MASP1: variants seen among roughly 807,000 people sequenced by gnomAD.
MASP1 encodes the protein MBL associated serine protease 1, also known as mannan-binding lectin serine protease 1.
A neutral mutation model predicts 77.1 loss-of-function variants in MASP1; 59 were observed. That is an observed-to-expected ratio of 0.77 (90% confidence interval 0.62 to 0.95). The LOEUF (loss-of-function observed/expected upper bound fraction) is 0.95, where lower values mean the gene tolerates loss of function less well. Among genes scored for constraint, MASP1 ranks in the 40% least tolerant of loss-of-function variants. The pLI is 0.00. For synonymous variants in MASP1, 362 were observed against 354.5 expected, an observed-to-expected ratio of 1.02 and a Z score of -0.24; for missense variants, 885 against 912.9, an observed-to-expected ratio of 0.97 and a Z score of 0.39.
intron 2 of MASP1, among the ~76,000 whole-genome samples, chr3:187,279,010 G>A (rs1040186928): frequency 6.8e-6 from 1 of 147,770 alleles, no homozygotes; most frequent in Non-Finnish European, 1.5e-5. Flanking sequence ...GCTTCTAATT[G>A]GACGTCCTAG....
intron 1 of MASP1, 26 bp downstream of exon 1, chr3:187,291,602 G>T (rs191089162): frequency 3.1e-6 from 5 of 1,614,156 alleles, no homozygotes; most frequent in Admixed American, 3.3e-5. Context: ...AAAGGGAACC[G>T]TGCCCTCTCC....
intron 2 of MASP1, among the ~76,000 whole-genome samples, chr3:187,270,486 A>T (rs997117707): frequency 6.6e-6 from 1 of 152,050 alleles, no homozygotes; most frequent in Non-Finnish European, 1.5e-5. Context: ...GATGTTTCCC[A>T]TTAGTAATTT....
chr3:187,291,542 T>C (rs1718334199), intron 1 of MASP1, 86 bp downstream of exon 1: 1 of 1,542,418 alleles, frequency 6.5e-7, no homozygotes, highest in Non-Finnish European at 9.0e-7. Context: ...CGCAGGTGAG[T>C]CTGTCAGTGA....
intron 2 of MASP1, among the ~76,000 whole-genome samples, chr3:187,285,216 C>T (rs1275347824): frequency 6.6e-6 from 1 of 151,864 alleles, no homozygotes; most frequent in African/African-American, 2.4e-5. Flanking sequence ...TGTGGTCCTG[C>T]TCTTCCCCCA....
chr3:187,234,039 T>C (rs114401186), downstream of MASP1: 2,117 of 1,183,488 alleles, frequency 1.8e-3, 9 homozygotes, highest in Middle Eastern at 7.6e-3. Flanking sequence ...TTAAAACAAA[T>C]GAACACACTT....
downstream of MASP1, among the ~76,000 whole-genome samples, chr3:187,232,635 TAGG>T (rs978060424): frequency 1.3e-5 from 2 of 152,202 alleles, no homozygotes; most frequent in African/African-American, 4.8e-5. Flanking sequence ...GGTAAATCCC[TAGG>T]AGAAGGAGAG....
chr3:187,262,632 G>C lies in MASP1; in HGVS notation c.326C>G (p.Ser109Cys). ...AGTGATGGACATGAAGGAGCCAGGG[G>C]AGAGGACCACCTCCTGGCCGGGAGT... ...EQTPGQEVVL[S>C]PGSFMSITFR... Residue 109 changes from serine (S) to cysteine (C), a missense_variant, in exon 3 of 11, where the codon TCC (serine) becomes TGC (cysteine). Physicochemically the swap from Ser to Cys is moderately radical, Grantham distance 112. Coordinates refer to ENST00000296280, the MANE Select transcript of MASP1 (RefSeq NM_139125.4). 6.2e-7 allele frequency: 1 copy of C among 1,614,160 alleles called. No individual in the cohort carries two copies. The highest frequency in any genetic ancestry group is 8.5e-7 in the Non-Finnish European group (1 of 1,180,016).
At chr3:187,289,177 C>T (rs987601721) in intron 1 of MASP1, among the ~76,000 whole-genome samples, 2 of 140,646 alleles carry the variant, frequency 1.4e-5, no homozygotes, top group Non-Finnish European at 3.0e-5. Context: ...TTCAGAGGCC[C>T]CCCGTAGGAA....
At chr3:187,261,396 C>G (rs979399874) in intron 3 of MASP1, among the ~76,000 whole-genome samples, 1 of 152,194 alleles carries the variant, frequency 6.6e-6, no homozygotes, top group Non-Finnish European at 1.5e-5. Context: ...TAATGTGGGT[C>G]AAGCCCTGTC....
At chr3:187,219,947 G>T in exon 16 of MASP1, 2 of 970,010 alleles carry the variant, frequency 2.1e-6, no homozygotes, top group Non-Finnish European at 3.2e-6. Context: ...CTATTGCCCA[G>T]TAATGGATAG....
rs537596324 is a variant in MASP1 at position 187,265,703 on chromosome 3, G to A, written c.238-2983C>T. ...GAAGTGACTTGCTCAAGGCTGGAGAGATAACATGAACATTTTCTGATATCA... is the reference window on the plus strand; with the variant it reads ...GAAGTGACTTGCTCAAGGCTGGAGAAATAACATGAACATTTTCTGATATCA... On this transcript the variant is annotated intron_variant, in intron 2 of 10. Coordinates refer to ENST00000296280, the MANE Select transcript of MASP1 (RefSeq NM_139125.4). Among the ~76,000 whole-genome samples, 28 of 152,316 alleles carry A rather than the reference G, an allele frequency of 1.8e-4. No homozygotes were observed. In the South Asian group the frequency reaches 5.6e-3, roughly 30 times the overall value.
chr3:187,236,485 C>T lies in MASP1; in HGVS notation c.1386G>A (p.Pro462=), dbSNP rs35384947. 3,843 of 1,614,034 alleles carry T rather than the reference C, an allele frequency of 2.4e-3. 87 individuals are homozygous for T. In the African/African-American group the frequency reaches 0.045, roughly 19 times the overall value. The change falls in exon 11 of 11, where the codon CCG becomes CCA. Residue 462 remains proline (P), a synonymous_variant. Coordinates refer to ENST00000296280, the MANE Select transcript of MASP1 (RefSeq NM_139125.4). ...CCTCCACCACTATCAGGGCCTGCCA[C>T]GGGAAGAGGCCAGGCTCAGCATTTC... The part of the protein sequence containing the change: ...GGRNAEPGLF[P]WQALIVVEDT...
At chr3:187,287,601 TATAA>T (rs1717967467) in intron 1 of MASP1, among the ~76,000 whole-genome samples, 1 of 152,190 alleles carries the variant, frequency 6.6e-6, no homozygotes, top group Non-Finnish European at 1.5e-5. Context: ...AAATGGAGAT[TATAA>T]TATCTAATTC....
intron 10 of MASP1, among the ~76,000 whole-genome samples, chr3:187,239,530 G>A (rs1713457661): frequency 6.6e-6 from 1 of 152,178 alleles, no homozygotes; most frequent in African/African-American, 2.4e-5. Flanking sequence ...CCTTCCAGAG[G>A]TGGCCACATG....
Position 187,260,726 on chromosome 3 carries a change from A to T in MASP1, c.547+15T>A, listed in dbSNP as rs748858426. On this transcript the variant is annotated intron_variant, in intron 4 of 10. Transcript: ENST00000296280. ...GCCTATAAGGGCAATGCATACAATC[A>T]TTGGTAGGCTCTACCTCGGCAGGTC... 1.8e-5 allele frequency: 29 copies of T among 1,614,048 alleles called. 2 individuals are homozygous for T. The South Asian group carries it at 3.1e-4, about 17-fold the overall frequency.
At chr3:187,255,373 G>A (rs1476309131) in intron 5 of MASP1, among the ~76,000 whole-genome samples, 1 of 149,136 alleles carries the variant, frequency 6.7e-6, no homozygotes, top group Non-Finnish European at 1.5e-5. Context: ...ACTGAATTCT[G>A]CCAACAACTT....
intron 2 of MASP1, among the ~76,000 whole-genome samples, chr3:187,264,207 C>A (rs980190063): frequency 1.3e-5 from 2 of 152,170 alleles, no homozygotes; most frequent in African/African-American, 4.8e-5. Flanking sequence ...GCCCTGGCAA[C>A]AAAACGCAAG....
At chr3:187,286,487 C>G (rs1717866671) in intron 1 of MASP1, among the ~76,000 whole-genome samples, 1 of 152,184 alleles carries the variant, frequency 6.6e-6, no homozygotes. Flanking sequence ...GTACCTTAAA[C>G]AGATTTAACG....
intron 2 of MASP1, 120 bp from the exon 3 acceptor site, chr3:187,262,840 C>CA: frequency 1.2e-6 from 1 of 815,318 alleles, no homozygotes; most frequent in East Asian, 2.6e-5. Flanking sequence ...CTGAGAAACC[C>CA]AAAGAAAGGA....
Sources: allele counts gnomAD v4.1 joint callset (sites outside exome capture counted in the v4.1 genomes callset), GRCh38; gene constraint gnomAD v4.1.1; transcripts MANE v1.5; gene names NCBI Gene and HGNC (gene_info 2026-07-23, HGNC 2026-07-21).